COL6A5: variants seen among roughly 807,000 people sequenced by gnomAD.
COL6A5 encodes the protein collagen alpha-5(VI) chain.
COL6A5 carries 48 observed loss-of-function variants against 65.6 expected under a neutral mutation model. The ratio of observed to expected loss-of-function variants is 0.73; its 90% confidence interval spans 0.58 to 0.93. COL6A5 has a LOEUF of 0.93. Ranked by LOEUF, COL6A5 falls within the 40% of genes least tolerant of loss-of-function variation. The pLI is 0.00. For synonymous variants in COL6A5, 291 were observed against 322.8 expected, an observed-to-expected ratio of 0.90 and a Z score of 1.05; for missense variants, 914 against 928.3, an observed-to-expected ratio of 0.98 and a Z score of 0.20.
intron 12 of COL6A5, 49 bp downstream of exon 12, chr3:130,401,903 A>G (rs937430589): frequency 1.5e-6 from 2 of 1,338,032 alleles, no homozygotes; most frequent in Non-Finnish European, 2.1e-6. Context: ...TTGATTTGGT[A>G]CAGGTGGGAC....
intron 1 of COL6A5, among the ~76,000 whole-genome samples, chr3:130,362,650 T>G (rs901634731): frequency 6.6e-6 from 1 of 152,152 alleles, no homozygotes; most frequent in African/African-American, 2.4e-5. Flanking sequence ...TTAGAATCAG[T>G]TTGTCAATAT....
At chr3:130,382,246 C>CA (rs1379477980) in intron 4 of COL6A5, among the ~76,000 whole-genome samples, 1 of 151,858 alleles carries the variant, frequency 6.6e-6, no homozygotes, top group Non-Finnish European at 1.5e-5. Context: ...ACAAAAAACA[C>CA]AAAAAAACAT....
intron 1 of COL6A5, among the ~76,000 whole-genome samples, chr3:130,365,524 G>C (rs912121944): frequency 6.6e-6 from 1 of 152,116 alleles, no homozygotes; most frequent in African/African-American, 2.4e-5. Flanking sequence ...TGATCCGCCC[G>C]CCTCGGCCTC....
At chr3:130,362,053 TA>T (rs1450446987) in intron 1 of COL6A5, among the ~76,000 whole-genome samples, 1 of 152,008 alleles carries the variant, frequency 6.6e-6, no homozygotes, top group Non-Finnish European at 1.5e-5. Context: ...CATGACATTT[TA>T]ATGTTAATGA....
chr3:130,362,283 T>TC (rs1935141541), intron 1 of COL6A5, among the ~76,000 whole-genome samples: 1 of 79,446 alleles, frequency 1.3e-5, no homozygotes, highest in Non-Finnish European at 2.5e-5. Flanking sequence ...TGTCTCTGTC[T>TC]TTCTCCATAT....
chr3:130,401,984 T>G, intron 12 of COL6A5, 130 bp downstream of exon 12: 2 of 640,460 alleles, frequency 3.1e-6, no homozygotes, highest in South Asian at 4.9e-5. Flanking sequence ...TTCATGTGAC[T>G]TTTTTGGAAT....
chr3:130,459,783 G>T (rs1157761727), intron 5 of COL6A5, among the ~76,000 whole-genome samples: 1 of 151,426 alleles, frequency 6.6e-6, no homozygotes, highest in Non-Finnish European at 1.5e-5. Context: ...CAAATACCAA[G>T]TTTCAAATCA....
Position 130,388,627 on chromosome 3 carries a change from T to C in COL6A5, c.1909T>C (p.Trp637Arg), listed in dbSNP as rs745845837. ...CATCATGTTTCTGGTGGACAGTTCT[T>C]GGAGTATAGGAAATGAAAATTTTAG... Residue 637 changes from tryptophan (W) to arginine (R), a missense_variant and NMD_transcript_variant, in exon 6 of 42, where the codon TGG (tryptophan) becomes CGG (arginine). By Grantham distance (101) the Trp-to-Arg change is moderately radical. Transcript: ENST00000312481. 10 of 1,550,814 alleles carry C rather than the reference T, an allele frequency of 6.4e-6. No homozygotes were observed. The South Asian group carries it at 1.2e-4, about 18-fold the overall frequency.
exon 3 of COL6A5, chr3:130,376,647 G>C: frequency 1.9e-6 from 3 of 1,613,020 alleles, no homozygotes; most frequent in Middle Eastern, 1.7e-4. Context: ...CCTGCAGAAA[G>C]ACGGGGTGAA....
At chr3:130,404,646 C>T (rs1936924800) in intron 13 of COL6A5, among the ~76,000 whole-genome samples, 14 of 152,222 alleles carry the variant, frequency 9.2e-5, no homozygotes, top group Admixed American at 9.2e-4. Flanking sequence ...GAGCCCACCA[C>T]TGGCAGAAAG....
chr3:130,373,813 G>A, intron 2 of COL6A5, 108 bp downstream of exon 2: 1 of 732,236 alleles, frequency 1.4e-6, no homozygotes, highest in East Asian at 2.8e-5. Flanking sequence ...AAAGTATGCA[G>A]CATTTAGTAA....
chr3:130,456,081 G>T (rs990428779), intron 5 of COL6A5, among the ~76,000 whole-genome samples: 14 of 152,022 alleles, frequency 9.2e-5, no homozygotes, highest in Non-Finnish European at 1.6e-4. Context: ...CGCAACCTCC[G>T]CCACCCGGGT....
chr3:130,379,047 A>G (rs146087992), intron 3 of COL6A5, among the ~76,000 whole-genome samples: 165 of 149,394 alleles, frequency 1.1e-3, no homozygotes, highest in African/African-American at 4.0e-3. Flanking sequence ...CCTTCACTTC[A>G]CTAGTAGTGA....
intron 10 of COL6A5, among the ~76,000 whole-genome samples, chr3:130,400,183 T>A (rs2107663245): frequency 6.6e-6 from 1 of 152,282 alleles, no homozygotes; most frequent in Middle Eastern, 3.4e-3. Flanking sequence ...CAACTTACAT[T>A]TATCCTTTAG....
intron 6 of COL6A5, 80 bp downstream of exon 6, chr3:130,389,214 G>A (rs558476582): frequency 2.1e-6 from 2 of 960,010 alleles, no homozygotes; most frequent in South Asian, 8.2e-5. Flanking sequence ...TGGCACTCTG[G>A]CCCTGACCTC....
chr3:130,439,495 C>T, intron 1 of COL6A5, 27 bp from the exon 34 acceptor site: 12 of 1,510,996 alleles, frequency 7.9e-6, no homozygotes, highest in Non-Finnish European at 1.1e-5. Flanking sequence ...AATGAGCAAA[C>T]ATGCGTTCAC....
At chr3:130,472,122 G>A (rs1709968126) in intron 7 of COL6A5, among the ~76,000 whole-genome samples, 196 bp downstream of exon 40, 1 of 151,994 alleles carries the variant, frequency 6.6e-6, no homozygotes, top group Non-Finnish European at 1.5e-5. Flanking sequence ...TGACATATTC[G>A]AATTACAAGC....
In COL6A5 at chr3:130,385,380, AAGGCTT is replaced by A. The variant is rs1559871381; in HGVS notation, c.1861+17_1861+22del. ...GCTGAAAAAGGTAAGCAACACAAAA[AAGGCTT>A]TATTCTCCACATTTCATCAATTGCT... On this transcript the variant is annotated intron_variant and NMD_transcript_variant, in intron 5 of 41. Coordinates refer to the COL6A5 transcript ENST00000312481. The A allele has an allele frequency of 6.5e-7, 1 of 1,543,892 alleles. No homozygotes were observed. Among genetic ancestry groups the A allele is most frequent in the South Asian group, 1.2e-5 (1 of 82,772 alleles).
At chr3:130,346,701 T>TA (rs1934490671) in intron 1 of COL6A5, among the ~76,000 whole-genome samples, 1 of 152,210 alleles carries the variant, frequency 6.6e-6, no homozygotes, top group Non-Finnish European at 1.5e-5. Flanking sequence ...TTATTTCTCT[T>TA]ACCAGGATCT....
Sources: allele counts gnomAD v4.1 joint callset (sites outside exome capture counted in the v4.1 genomes callset), GRCh38; gene constraint gnomAD v4.1.1; transcripts MANE v1.5; gene names NCBI Gene and HGNC (gene_info 2026-07-23, HGNC 2026-07-21).